The following CDH18 variants were observed in gnomAD, a reference collection of about 807,000 sequenced individuals.
CDH18 encodes the protein cadherin 18.
In CDH18, 31 loss-of-function variants were observed where a neutral mutation model predicts 67.9. The observed-to-expected ratio is 0.46, with a 90% CI of 0.34 to 0.62. The LOEUF (loss-of-function observed/expected upper bound fraction) is 0.62. Ranked by LOEUF, CDH18 falls within the 20% of genes least tolerant of loss-of-function variation. The pLI is 0.01. For synonymous variants in CDH18, 362 were observed against 347.2 expected (o/e 1.04, Z -0.48); for missense variants, 890 against 975.5 (o/e 0.91, Z 1.17).
chr5:19,624,712 G>A (rs774007964), intron 5 of CDH18, among the ~76,000 whole-genome samples: 5 of 152,246 alleles, frequency 3.3e-5, no homozygotes, highest in Non-Finnish European at 5.9e-5. Flanking sequence ...TCCCCATGCT[G>A]GAGAGCAAGT....
chr5:20,173,388 C>G (rs553389436), intron 2 of CDH18, among the ~76,000 whole-genome samples: 2 of 152,068 alleles, frequency 1.3e-5, no homozygotes, highest in African/African-American at 4.8e-5. Flanking sequence ...TAAGAAAGAA[C>G]GAGAAGACCT....
intron 3 of CDH18, among the ~76,000 whole-genome samples, chr5:19,813,056 C>T (rs1364417918): frequency 6.6e-6 from 1 of 152,072 alleles, no homozygotes; most frequent in African/African-American, 2.4e-5. Flanking sequence ...AACCAAACAC[C>T]GCATGTTCCC....
chr5:19,868,147 G>A (rs1174926974), intron 2 of CDH18, among the ~76,000 whole-genome samples: 3 of 152,118 alleles, frequency 2.0e-5, no homozygotes. Flanking sequence ...TGGACTAATA[G>A]ACCTATATAT....
chr5:20,196,177 CT>C (rs1738959821), intron 2 of CDH18, among the ~76,000 whole-genome samples: 1 of 152,058 alleles, frequency 6.6e-6, no homozygotes, highest in African/African-American at 2.4e-5. Flanking sequence ...CACAATTTTC[CT>C]TTCTGACACT....
chr5:20,529,094 C>T (rs751995345), intron 1 of CDH18, among the ~76,000 whole-genome samples: 32 of 151,948 alleles, frequency 2.1e-4, no homozygotes, highest in Non-Finnish European at 4.1e-4. Context: ...ATACAAACAA[C>T]ATCAGAGAAT....
Position 19,638,999 on chromosome 5 carries a change from T to TG in CDH18, c.644-26399_644-26398insC, listed in dbSNP as rs1243919513. Among the ~76,000 whole-genome samples, 586 of 122,524 alleles carry TG rather than the reference T, an allele frequency of 4.8e-3. 1 individual carries two copies. The highest frequency in any genetic ancestry group is 0.013 in the South Asian group (40 of 3,090). The allele number at this position is 122,524 out of a possible 152,430, so 80.4% of individuals were successfully genotyped here. A position where few individuals can be genotyped will look rare whatever the true frequency, so the allele number is the denominator to read the frequency against. ...GCTGTTTTTTTTTTTTTTTTTTTTT[T>TG]TTTTTGTTTGTTTTTTCTTTTTTGA... On this transcript the variant is annotated intron_variant, in intron 5 of 12. Transcript: ENST00000382275.
Position 20,423,307 on chromosome 5 carries a change from G to T in CDH18, c.-580+152155C>A, listed in dbSNP as rs886568084. Among the ~76,000 whole-genome samples, 24 of 151,158 alleles carry T rather than the reference G, an allele frequency of 1.6e-4. 1 individual carries two copies. Among genetic ancestry groups the T allele is most frequent in the African/African-American group, 4.7e-4 (19 of 40,482 alleles). ...TTCAACCCTAAGCATAGCTTGCCAC[G>T]TCATCACTCTGCTATCTCATCAATT... On this transcript the variant is annotated intron_variant, in intron 1 of 14. Coordinates refer to the CDH18 transcript ENST00000507958.
chr5:20,133,365 A>G (rs1749430457), intron 2 of CDH18, among the ~76,000 whole-genome samples: 1 of 152,134 alleles, frequency 6.6e-6, no homozygotes, highest in African/African-American at 2.4e-5. Context: ...ACTGCCCTTT[A>G]TGAAACCATC....
intron 4 of CDH18, among the ~76,000 whole-genome samples, chr5:19,737,796 T>C (rs1244647628): frequency 3.9e-5 from 6 of 152,208 alleles, no homozygotes; most frequent in Non-Finnish European, 8.8e-5. Context: ...ACAATTTTAA[T>C]TTATATGCTT....
intron 1 of CDH18, among the ~76,000 whole-genome samples, chr5:19,986,738 G>T (rs1336529656): frequency 6.6e-6 from 1 of 152,164 alleles, no homozygotes; most frequent in Non-Finnish European, 1.5e-5. Flanking sequence ...CATTATCTAC[G>T]AGTATCACAT....
In CDH18 at chr5:19,721,398, C is replaced by T. The variant is rs184208296; in HGVS notation, c.592G>A (p.Val198Ile). The T allele has an allele frequency of 1.1e-5, 17 of 1,609,928 alleles. No homozygotes were observed. Among genetic ancestry groups the T allele is most frequent in the Non-Finnish European group, 1.4e-5 (17 of 1,176,882 alleles). Residue 198 changes from valine (V) to isoleucine (I), a missense_variant, in exon 5 of 13, where the codon GTT becomes ATT. Physicochemically the swap from Val to Ile is conservative, Grantham distance 29. Coordinates refer to ENST00000382275, the MANE Select transcript of CDH18 (RefSeq NM_004934.5). ...GGTTGTCCTTGGAGAATGCTGTAAACCACCCGAGCGCTGTTTCCATAGGTA... is the reference window on the plus strand; with the variant it reads ...GGTTGTCCTTGGAGAATGCTGTAAATCACCCGAGCGCTGTTTCCATAGGTA... The part of the protein sequence containing the change: ...DPTYGNSARV[V>I]YSILQGQPYF...
At position 20,064,624 on chromosome 5, in the gene CDH18, G is replaced by T. The variant is rs188350941; in HGVS notation, c.-517-72610C>A. 2.8e-3 allele frequency among the ~76,000 whole-genome samples: 426 copies of T among 152,152 alleles called. 1 individual carries two copies. The highest frequency in any genetic ancestry group is 9.6e-3 in the African/African-American group (397 of 41,542). ...TTTTCAGATACCTATAGGTGACATGGTGCTTAGCTGAAGGCCTTGCTTCTT... is the reference window on the plus strand; with the variant it reads ...TTTTCAGATACCTATAGGTGACATGTTGCTTAGCTGAAGGCCTTGCTTCTT... On this transcript the variant is annotated intron_variant, in intron 2 of 14. Coordinates refer to the CDH18 transcript ENST00000507958.
At chr5:19,651,424 CA>C (rs1181039356) in intron 5 of CDH18, among the ~76,000 whole-genome samples, 5 of 151,992 alleles carry the variant, frequency 3.3e-5, no homozygotes, top group South Asian at 4.1e-4. Flanking sequence ...GATATCATAA[CA>C]TAAACCTGGC....
At chr5:19,998,670 A>T (rs1262264478) in intron 2 of CDH18, among the ~76,000 whole-genome samples, 1 of 152,182 alleles carries the variant, frequency 6.6e-6, no homozygotes, top group Non-Finnish European at 1.5e-5. Context: ...AAACAGTATT[A>T]GTATTGTAGT....
chr5:20,232,973 G>A (rs1489442796), intron 2 of CDH18, among the ~76,000 whole-genome samples: 1 of 151,844 alleles, frequency 6.6e-6, no homozygotes, highest in Non-Finnish European at 1.5e-5. Context: ...ATGAATATAT[G>A]TCTTATAGGT....
chr5:19,756,531 GA>G (rs1771625715), intron 3 of CDH18, among the ~76,000 whole-genome samples: 1 of 152,170 alleles, frequency 6.6e-6, no homozygotes, highest in African/African-American at 2.4e-5. Flanking sequence ...ATAATACTAA[GA>G]GACGCCCAAA....
At chr5:20,466,175 A>G (rs947249011) in intron 1 of CDH18, among the ~76,000 whole-genome samples, 1 of 152,078 alleles carries the variant, frequency 6.6e-6, no homozygotes, top group African/African-American at 2.4e-5. Flanking sequence ...TTAGAAATCT[A>G]TAAACATTTA....
chr5:19,669,398 T>A (rs935519257), intron 5 of CDH18, among the ~76,000 whole-genome samples: 3 of 151,694 alleles, frequency 2.0e-5, no homozygotes, highest in Non-Finnish European at 2.9e-5. Context: ...GTTCAAGTGA[T>A]TCTCCTGCCT....
chr5:19,507,986 C>T (rs907273139), intron 10 of CDH18, among the ~76,000 whole-genome samples: 1 of 151,252 alleles, frequency 6.6e-6, no homozygotes, highest in African/African-American at 2.4e-5. Flanking sequence ...AACAATGTCC[C>T]AATCATCTTG....
Sources: allele counts gnomAD v4.1 joint callset (sites outside exome capture counted in the v4.1 genomes callset), GRCh38; gene constraint gnomAD v4.1.1; transcripts MANE v1.5; gene names NCBI Gene and HGNC (gene_info 2026-07-23, HGNC 2026-07-21).